The following HVCN1 variants were observed in gnomAD, a reference collection of about 807,000 sequenced individuals.
The protein encoded by HVCN1 is voltage-gated hydrogen channel 1.
A neutral mutation model predicts 29.2 loss-of-function variants in HVCN1; 14 were observed. The observed-to-expected ratio is 0.48, with a 90% CI of 0.32 to 0.75. HVCN1 has a LOEUF of 0.75. Ranked by LOEUF, HVCN1 falls within the 30% of genes least tolerant of loss-of-function variation. The probability of loss-of-function intolerance (pLI) is 0.04; values close to 1 mark genes in which losing one functional copy is unlikely to be tolerated. For synonymous variants in HVCN1, 131 were observed against 133.2 expected, an observed-to-expected ratio of 0.98 and a Z score of 0.11; for missense variants, 263 against 341.8, an observed-to-expected ratio of 0.77 and a Z score of 1.82.
chr12:110,682,357 G>A (rs932328226), intron 3 of HVCN1, among the ~76,000 whole-genome samples: 2 of 151,970 alleles, frequency 1.3e-5, no homozygotes, highest in East Asian at 1.9e-4. Flanking sequence ...ATGTCACCAC[G>A]CCTGGCTAAT....
intron 3 of HVCN1, among the ~76,000 whole-genome samples, chr12:110,665,862 T>C (rs2068328229): frequency 1.3e-5 from 2 of 151,664 alleles, no homozygotes; most frequent in Admixed American, 6.6e-5. Flanking sequence ...CAAAATTAAC[T>C]GTGCATCGTG....
At chr12:110,692,675 G>A (rs922373066), upstream of HVCN1, among the ~76,000 whole-genome samples, 5 of 152,184 alleles carry the variant, frequency 3.3e-5, no homozygotes, top group Admixed American at 6.5e-5. Flanking sequence ...AGTGAGCTAC[G>A]ATTGCACCAC....
rs775579520 is a variant in HVCN1 at position 110,658,877 on chromosome 12, G to A, written c.306+2287C>T. On this transcript the variant is annotated intron_variant, in intron 4 of 7. Transcript: ENST00000242607. This position sits in a 1 kb window ranked among gnomAD's most constrained non-coding sequence, Gnocchi z 5.0. ...TCCACTCACTTTATGACAGGCATTCGTCTTTTTCCCCAGCAGGAGTATCTG... is the reference window on the plus strand; with the variant it reads ...TCCACTCACTTTATGACAGGCATTCATCTTTTTCCCCAGCAGGAGTATCTG... Among the ~76,000 whole-genome samples the A allele has an allele frequency of 1.2e-4, 19 of 152,204 alleles. No homozygotes were observed. The highest frequency in any genetic ancestry group is 7.7e-4 in the East Asian group (4 of 5,200).
intron 2 of HVCN1, among the ~76,000 whole-genome samples, chr12:110,701,836 G>A (rs1361718720): frequency 6.6e-6 from 1 of 151,300 alleles, no homozygotes; most frequent in Non-Finnish European, 1.5e-5. Context: ...CAGCCTGGGC[G>A]ACAGAATGAG....
At chr12:110,674,502 T>G (rs142462510) in intron 3 of HVCN1, among the ~76,000 whole-genome samples, 94 of 152,232 alleles carry the variant, frequency 6.2e-4, no homozygotes, top group African/African-American at 2.2e-3. Context: ...AATGATGTAG[T>G]TTGGCTGTGT....
chr12:110,656,901 G>A (rs912240927), intron 4 of HVCN1, among the ~76,000 whole-genome samples: 66 of 152,186 alleles, frequency 4.3e-4, no homozygotes, highest in African/African-American at 1.2e-3. Context: ...GTTTTTCCTT[G>A]GTTTTATTTT....
chr12:110,652,515 A>G (rs1461249906), intron 5 of HVCN1, among the ~76,000 whole-genome samples: 1 of 152,248 alleles, frequency 6.6e-6, no homozygotes, highest in East Asian at 1.9e-4. Flanking sequence ...CAAAGACATC[A>G]CAGAGTCATG....
chr12:110,651,859 C>T (rs1046425105), intron 5 of HVCN1, among the ~76,000 whole-genome samples: 1 of 152,190 alleles, frequency 6.6e-6, no homozygotes, highest in African/African-American at 2.4e-5. Context: ...CCATATGGGG[C>T]CCTAAGGACA....
At chr12:110,698,980 T>G (rs1190404086) in intron 2 of HVCN1, among the ~76,000 whole-genome samples, 2 of 151,966 alleles carry the variant, frequency 1.3e-5, no homozygotes, top group East Asian at 3.9e-4. Flanking sequence ...ATACAAAAAT[T>G]AGCCGGGCAT....
intron 2 of HVCN1, among the ~76,000 whole-genome samples, chr12:110,687,742 CG>C (rs968724917): frequency 2.7e-4 from 41 of 152,012 alleles, no homozygotes; most frequent in African/African-American, 8.9e-4. Flanking sequence ...GGACGAGGAG[CG>C]GGGTGGTGGA....
intron 3 of HVCN1, among the ~76,000 whole-genome samples, chr12:110,671,391 C>A (rs1361089600): frequency 2.0e-5 from 3 of 152,138 alleles, no homozygotes; most frequent in Admixed American, 6.6e-5. Context: ...CAGAATGATA[C>A]GTCCACAAGC....
Position 110,661,597 on chromosome 12 carries a change from C to A in HVCN1, c.22-149G>T. The stretch of plus-strand genomic sequence containing the variant: ...AGAGACCATGAGGTCACGGTGGTTT[C>A]TCGTGCTTTTATTTTTGGAATCCAG... On this transcript the variant is annotated intron_variant, in intron 3 of 7. Coordinates refer to ENST00000242607, the MANE Select transcript of HVCN1 (RefSeq NM_032369.4). This position sits in a 1 kb window ranked among gnomAD's most constrained non-coding sequence, Gnocchi z 6.2. 1.4e-6 allele frequency: 1 copy of A among 699,584 alleles called. No individual in the cohort carries two copies. Among genetic ancestry groups the A allele is most frequent in the Non-Finnish European group, 2.4e-6 (1 of 425,384 alleles). 43.3% of individuals were successfully genotyped at this position (699,584 alleles called of 1,614,324 possible).
Position 110,649,356 on chromosome 12 carries a change from G to A in HVCN1, c.*54C>T. The A allele has an allele frequency of 6.9e-7, 1 of 1,440,976 alleles. No homozygotes were observed. Among genetic ancestry groups the A allele is most frequent in the Non-Finnish European group, 9.7e-7 (1 of 1,030,112 alleles). The allele number at this position is 1,440,976 out of a possible 1,614,324, so 89.3% of individuals were successfully genotyped here. Reference sequence around the variant, plus strand: ...CAGGAGGGGCAGCTGTTCCTCTCGTGACAGCACAGGCCCATGAGACAGTGT... The same window carrying A: ...CAGGAGGGGCAGCTGTTCCTCTCGTAACAGCACAGGCCCATGAGACAGTGT... On this transcript the variant is annotated 3_prime_UTR_variant, in exon 8 of 8. Transcript: ENST00000242607.
chr12:110,678,439 CTTTTTTT>C lies in HVCN1; in HGVS notation c.21+4779_21+4785del, dbSNP rs538999674. ...TCTTATTTTCCATTTCATTCTATTTCTTTTTTTTTTTTTTTTTTTTTTTTTTTTTGAG... is the reference window on the plus strand; with the variant it reads ...TCTTATTTTCCATTTCATTCTATTTCTTTTTTTTTTTTTTTTTTTTTTGAG... On this transcript the variant is annotated intron_variant, in intron 3 of 7. Coordinates refer to ENST00000242607, the MANE Select transcript of HVCN1 (RefSeq NM_032369.4). 4.8e-3 allele frequency among the ~76,000 whole-genome samples: 313 copies of C among 65,802 alleles called. 2 individuals are homozygous for C. Among genetic ancestry groups the C allele is most frequent in the Non-Finnish European group, 6.6e-3 (227 of 34,470 alleles). 43.2% of individuals were successfully genotyped at this position (65,802 alleles called of 152,430 possible). A position where few individuals can be genotyped will look rare whatever the true frequency, so the allele number is the denominator to read the frequency against.
intron 3 of HVCN1, among the ~76,000 whole-genome samples, chr12:110,682,251 A>G (rs2069006611): frequency 6.6e-6 from 1 of 151,890 alleles, no homozygotes; most frequent in Non-Finnish European, 1.5e-5. Context: ...GCCTCCCAAA[A>G]TGCTGGAATT....
intron 5 of HVCN1, 72 bp downstream of exon 5, chr12:110,655,162 C>G (rs2067947550): frequency 8.6e-7 from 1 of 1,165,772 alleles, no homozygotes; most frequent in Admixed American, 1.7e-5. Flanking sequence ...CTGCTCCACT[C>G]TGCACCCCGT....
upstream of HVCN1, among the ~76,000 whole-genome samples, chr12:110,690,696 T>C (rs2069387067): frequency 1.3e-5 from 2 of 152,138 alleles, no homozygotes; most frequent in Admixed American, 1.3e-4. Flanking sequence ...CAGACTGGTC[T>C]CGAACTCCTG....
intron 2 of HVCN1, among the ~76,000 whole-genome samples, chr12:110,699,987 T>C (rs1407485684): frequency 2.0e-5 from 3 of 152,156 alleles, no homozygotes; most frequent in East Asian, 3.9e-4. Flanking sequence ...GAGGGCAGCA[T>C]CTGCATTTCA....
chr12:110,650,694 AG>A (rs1345247007), intron 6 of HVCN1, among the ~76,000 whole-genome samples: 1 of 129,836 alleles, frequency 7.7e-6, no homozygotes, highest in Non-Finnish European at 1.6e-5. Context: ...ACAAGAGTCC[AG>A]TTTTTTTTTT....
Sources: gnomAD v4.1 joint callset for allele counts (sites outside exome capture counted in the v4.1 genomes callset) on GRCh38, gnomAD v4.1.1 for gene constraint, Gnocchi (gnomAD v3.1) non-coding constraint, MANE v1.5 for transcripts, NCBI Gene and HGNC (gene_info 2026-07-23, HGNC 2026-07-21) for gene names.